Variants in EDIL3 observed in about 807,000 individuals in gnomAD.
EDIL3 encodes EGF-like repeat and discoidin I-like domain-containing protein 3.
In EDIL3, 37 loss-of-function variants were observed where a neutral mutation model predicts 67.4. The ratio of observed to expected loss-of-function variants is 0.55; its 90% CI spans 0.42 to 0.72. The LOEUF (loss-of-function observed/expected upper bound fraction) is 0.72. Ranked by LOEUF, EDIL3 falls within the 30% of genes least tolerant of loss-of-function variation. The pLI, the probability that EDIL3 is intolerant of heterozygous loss-of-function variation, is 0.00. For missense variants in EDIL3, 527 were observed against 586.3 expected (o/e 0.90, Z 1.04); for synonymous variants, 195 against 196.3 (o/e 0.99, Z 0.05).
At chr5:84,122,861 C>T (rs749817552) in intron 5 of EDIL3, among the ~76,000 whole-genome samples, 1 of 151,890 alleles carries the variant, frequency 6.6e-6, no homozygotes, top group Non-Finnish European at 1.5e-5. Flanking sequence ...TTTATTGAGC[C>T]TCTTCTTTGT....
chr5:84,234,687 A>G (rs1490804568), intron 2 of EDIL3, among the ~76,000 whole-genome samples: 2 of 152,180 alleles, frequency 1.3e-5, no homozygotes, highest in Non-Finnish European at 2.9e-5. Context: ...TATAAAAACT[A>G]CATTTCTTAG....
chr5:84,143,827 C>T (rs1366009145), intron 4 of EDIL3, among the ~76,000 whole-genome samples: 1 of 151,998 alleles, frequency 6.6e-6, no homozygotes, highest in Admixed American at 6.6e-5. Context: ...CAAACCACAA[C>T]AAGGGATGTT....
intron 10 of EDIL3, among the ~76,000 whole-genome samples, chr5:83,945,729 T>G (rs1656096743): frequency 6.6e-6 from 1 of 151,914 alleles, no homozygotes; most frequent in Non-Finnish European, 1.5e-5. Context: ...AATTTCTGAT[T>G]TAATATGTGA....
chr5:84,276,864 G>A (rs1435713524), intron 1 of EDIL3, among the ~76,000 whole-genome samples: 4 of 151,976 alleles, frequency 2.6e-5, no homozygotes, highest in South Asian at 2.1e-4. Context: ...GAGACAACAC[G>A]CCTGCCGATG....
chr5:84,188,083 C>G (rs1212067813), intron 3 of EDIL3, among the ~76,000 whole-genome samples: 1 of 151,688 alleles, frequency 6.6e-6, no homozygotes, highest in Non-Finnish European at 1.5e-5. Context: ...ATTTCCCGCC[C>G]CCCCTTAAAA....
At chr5:84,248,111 C>A (rs1554038220) in intron 2 of EDIL3, among the ~76,000 whole-genome samples, 3 of 152,098 alleles carry the variant, frequency 2.0e-5, no homozygotes, top group Non-Finnish European at 2.9e-5. Flanking sequence ...AATGAGTAAG[C>A]AAATAAATAA....
intron 9 of EDIL3, among the ~76,000 whole-genome samples, chr5:84,022,104 C>T (rs1745728055): frequency 6.6e-6 from 1 of 151,446 alleles, no homozygotes; most frequent in Admixed American, 6.6e-5. Flanking sequence ...AACAAGGGCA[C>T]AATAAAAAAA....
chr5:84,033,396 GAC>G (rs1374171927), intron 9 of EDIL3, among the ~76,000 whole-genome samples: 1 of 151,918 alleles, frequency 6.6e-6, no homozygotes, highest in African/African-American at 2.4e-5. Context: ...CAATCTACAA[GAC>G]ACATAGAATT....
chr5:84,295,683 TC>T (rs1486043745), intron 1 of EDIL3, among the ~76,000 whole-genome samples: 1 of 152,136 alleles, frequency 6.6e-6, no homozygotes, highest in Non-Finnish European at 1.5e-5. Flanking sequence ...TACAAGATTT[TC>T]CTAAACAACT....
chr5:83,967,610 A>C (rs943217309), intron 9 of EDIL3, among the ~76,000 whole-genome samples: 1 of 152,098 alleles, frequency 6.6e-6, no homozygotes, highest in Non-Finnish European at 1.5e-5. Flanking sequence ...GCAAAGCATA[A>C]ATATTTTTAG....
intron 9 of EDIL3, among the ~76,000 whole-genome samples, chr5:83,985,720 T>G (rs1374795945): frequency 6.6e-6 from 1 of 152,116 alleles, no homozygotes; most frequent in East Asian, 1.9e-4. Context: ...GCACCAGCTA[T>G]ACTAGGTAAA....
At position 84,247,544 on chromosome 5, in the gene EDIL3, GGATA is replaced by G. The variant is rs1187895198; in HGVS notation, c.196+6536_196+6539del. ...TGTGTATGACAGTCTGTATTTTCTG[GGATA>G]AATATATTCAATTTTTCATAATAAA... On this transcript the variant is annotated intron_variant, in intron 2 of 10. Transcript: ENST00000296591. 2.0e-5 allele frequency among the ~76,000 whole-genome samples: 3 copies of G among 151,936 alleles called. No homozygotes were observed. In the East Asian group the frequency reaches 5.8e-4, roughly 29 times the overall value.
At chr5:84,055,803 G>A (rs1746434989) in intron 9 of EDIL3, among the ~76,000 whole-genome samples, 1 of 152,120 alleles carries the variant, frequency 6.6e-6, no homozygotes, top group African/African-American at 2.4e-5. Context: ...TCAAAAGTCA[G>A]GAAACAACAG....
At chr5:84,268,850 A>G (rs1027527652) in intron 1 of EDIL3, among the ~76,000 whole-genome samples, 2 of 152,162 alleles carry the variant, frequency 1.3e-5, no homozygotes, top group Non-Finnish European at 2.9e-5. Flanking sequence ...TAATGCAGTA[A>G]TAGGGAAAGC....
intron 9 of EDIL3, among the ~76,000 whole-genome samples, chr5:84,040,673 T>C (rs1364420872): frequency 6.6e-6 from 1 of 152,022 alleles, no homozygotes; most frequent in East Asian, 1.9e-4. Context: ...GTTGGATTTA[T>C]TCATTTAATA....
At chr5:84,055,391 G>C (rs1309224907) in intron 9 of EDIL3, among the ~76,000 whole-genome samples, 1 of 146,230 alleles carries the variant, frequency 6.8e-6, no homozygotes, top group Non-Finnish European at 1.5e-5. Flanking sequence ...TCAGGACATA[G>C]GCATGGGCAA....
Position 84,066,299 on chromosome 5 carries a change from C to T in EDIL3, c.807+152G>A, listed in dbSNP as rs1746639366. 1.0e-5 allele frequency: 8 copies of T among 775,316 alleles called. No individual in the cohort carries two copies. The South Asian group carries it at 1.5e-4, about 14-fold the overall frequency. 48.0% of individuals were successfully genotyped at this position (775,316 alleles called of 1,614,324 possible). On this transcript the variant is annotated intron_variant, in intron 7 of 10. Coordinates refer to ENST00000296591, the MANE Select transcript of EDIL3 (RefSeq NM_005711.5). ...AAGTTTATAAACTGGAGAATTACTA[C>T]TTCCTTCATCACACTAGCCCAATTA...
At chr5:84,308,632 T>A (rs1289433618) in intron 1 of EDIL3, among the ~76,000 whole-genome samples, 2 of 152,180 alleles carry the variant, frequency 1.3e-5, no homozygotes, top group Admixed American at 6.5e-5. Flanking sequence ...GGAAGTAATT[T>A]TTAGAAATAT....
At chr5:84,070,640 T>TGC (rs1332535967) in intron 6 of EDIL3, among the ~76,000 whole-genome samples, 1 of 151,750 alleles carries the variant, frequency 6.6e-6, no homozygotes, top group Non-Finnish European at 1.5e-5. Context: ...TGTGTGTGTG[T>TGC]GTGTGTGTTT....
Sources: gnomAD v4.1 joint callset for allele counts (sites outside exome capture counted in the v4.1 genomes callset) on GRCh38, gnomAD v4.1.1 for gene constraint, MANE v1.5 for transcripts, NCBI Gene and HGNC (gene_info 2026-07-23, HGNC 2026-07-21) for gene names.